Variants in TMEM144 observed in about 807,000 individuals in gnomAD.
TMEM144 encodes transmembrane protein 144.
A neutral mutation model predicts 43.6 loss-of-function variants in TMEM144; 39 were observed. The ratio of observed to expected loss-of-function variants is 0.90; its 90% CI spans 0.69 to 1.17. The LOEUF (loss-of-function observed/expected upper bound fraction) is 1.17. TMEM144 is among the 50% of genes most tolerant of loss of function. The pLI is 0.00. For synonymous variants in TMEM144, 154 were observed against 133.6 expected (o/e 1.15, Z -1.06); for missense variants, 417 against 411.9 (o/e 1.01, Z -0.11).
chr4:158,226,375 G>GCTATTAAAAT (rs1241481261), intron 6 of TMEM144, among the ~76,000 whole-genome samples: 1 of 152,056 alleles, frequency 6.6e-6, no homozygotes, highest in African/African-American at 2.4e-5. Context: ...GGTGATTTAG[G>GCTATTAAAAT]AAAAGCCTGC....
intron 8 of TMEM144, 136 bp from the exon 9 acceptor site, chr4:158,237,389 C>A: frequency 1.5e-6 from 1 of 658,654 alleles, no homozygotes; most frequent in Non-Finnish European, 2.6e-6. Context: ...TTCCGCCAGT[C>A]ACAGAGCTTG....
chr4:158,246,827 T>C (rs576443563), intron 12 of TMEM144, among the ~76,000 whole-genome samples: 2 of 152,122 alleles, frequency 1.3e-5, no homozygotes, highest in South Asian at 2.1e-4. Context: ...TATGAAGAAG[T>C]ACAAACCAAG....
rs1341377450 is a variant in TMEM144, at chr4:158,219,357, T to C, written c.380T>C (p.Leu127Pro). 1.9e-6 allele frequency: 3 copies of C among 1,613,840 alleles called. No homozygotes were observed. The highest frequency in any genetic ancestry group is 2.5e-6 in the Non-Finnish European group (3 of 1,179,848). ...GCAGAAGAAGTATCAAATCCGCTGC[T>C]AAATTACATTGGAGCTGGGCTATCA... ...LDAEEVSNPLLNYIGAGLSVV... is the reference protein window; with the variant it reads ...LDAEEVSNPLPNYIGAGLSVV... The change falls in exon 6 of 13, where the codon CTA (leucine) becomes CCA (proline). Residue 127 changes from leucine to proline, a missense_variant. By Grantham distance (98) the Leu-to-Pro change is moderately conservative. Transcript: ENST00000296529.
intron 5 of TMEM144, among the ~76,000 whole-genome samples, chr4:158,218,401 C>T (rs149614211): frequency 0.012 from 1,767 of 152,218 alleles, 19 homozygotes; most frequent in Middle Eastern, 0.041. Context: ...ACTCCCTTTC[C>T]ACTCAAAGCA....
At chr4:158,247,756 C>G (rs1004585091) in intron 12 of TMEM144, among the ~76,000 whole-genome samples, 4 of 151,910 alleles carry the variant, frequency 2.6e-5, no homozygotes, top group African/African-American at 9.7e-5. Context: ...AAGATCAGAA[C>G]AAATATAGGA....
intron 6 of TMEM144, among the ~76,000 whole-genome samples, chr4:158,229,512 TTGAC>T (rs1457847545): frequency 6.6e-6 from 1 of 152,016 alleles, no homozygotes; most frequent in African/African-American, 2.4e-5. Context: ...AGGCAGCACT[TTGAC>T]TGTCCCTTTT....
chr4:158,231,128 T>C (rs1364894294), intron 6 of TMEM144, among the ~76,000 whole-genome samples: 2 of 152,170 alleles, frequency 1.3e-5, no homozygotes, highest in African/African-American at 2.4e-5. Flanking sequence ...TCTTATGATC[T>C]AGACAAGGTA....
At position 158,214,878 on chromosome 4, in the gene TMEM144, A is replaced by T. The variant is rs74940456; in HGVS notation, c.110-313A>T. Among the ~76,000 whole-genome samples the T allele has an allele frequency of 1.9e-3, 293 of 152,296 alleles. 9 individuals carry two copies. In the East Asian group the frequency reaches 0.05, roughly 26 times the overall value. On this transcript the variant is annotated intron_variant, in intron 3 of 12. Transcript: ENST00000296529. ...TGGGCAGAAAATTCTTGATTTGTCT[A>T]ATAGGAGGAAAAAAAGAATGTTAAG...
intron 6 of TMEM144, 47 bp from the exon 7 acceptor site, chr4:158,232,854 T>C (rs780203582): frequency 4.0e-5 from 53 of 1,319,014 alleles, no homozygotes; most frequent in Middle Eastern, 2.3e-4. Context: ...CAGCTTGATA[T>C]AAACCAGTAT....
intron 10 of TMEM144, 122 bp downstream of exon 10, chr4:158,240,540 TTGTG>T: frequency 6.3e-5 from 62 of 985,202 alleles, no homozygotes; most frequent in South Asian, 9.2e-5. Context: ...TGTGTGTGTG[TTGTG>T]TGTGTGTGTG....
At chr4:158,218,287 A>C (rs185559036) in intron 5 of TMEM144, among the ~76,000 whole-genome samples, 326 of 152,308 alleles carry the variant, frequency 2.1e-3, no homozygotes, top group African/African-American at 7.3e-3. Context: ...CATTACACAA[A>C]GTTCTATCAG....
At chr4:158,238,061 T>C (rs1219606448) in intron 9 of TMEM144, among the ~76,000 whole-genome samples, 1 of 152,122 alleles carries the variant, frequency 6.6e-6, no homozygotes, top group African/African-American at 2.4e-5. Context: ...AAGTACAGAG[T>C]CATGCACTGG....
At chr4:158,217,737 C>T (rs1439613605) in intron 5 of TMEM144, among the ~76,000 whole-genome samples, 1 of 152,170 alleles carries the variant, frequency 6.6e-6, no homozygotes, top group African/African-American at 2.4e-5. Context: ...ATTCTCATCT[C>T]ACTTTCACAA....
In TMEM144 at chr4:158,227,155, C is replaced by T. The variant is rs558110654; in HGVS notation, c.414-5746C>T. 3.7e-4 allele frequency among the ~76,000 whole-genome samples: 56 copies of T among 151,370 alleles called. 1 individual carries two copies. Among genetic ancestry groups the T allele is most frequent in the African/African-American group, 1.3e-3 (52 of 41,204 alleles). ...TTTTTTTTTTTCCTAACGGAATAGC[C>T]TCATACCTTAATATTTTTGAGTTAG... On this transcript the variant is annotated intron_variant, in intron 6 of 12. Transcript: ENST00000296529.
intron 6 of TMEM144, among the ~76,000 whole-genome samples, chr4:158,231,078 T>C (rs1735055364): frequency 6.6e-6 from 1 of 152,224 alleles, no homozygotes; most frequent in Non-Finnish European, 1.5e-5. Context: ...ATAGTATTTC[T>C]TCTTCTTTGA....
chr4:158,240,936 T>C (rs1448250909), intron 10 of TMEM144, among the ~76,000 whole-genome samples: 2 of 152,198 alleles, frequency 1.3e-5, no homozygotes, highest in Non-Finnish European at 2.9e-5. Context: ...TTATTATGAT[T>C]CAATTTGGAA....
chr4:158,227,550 CTCTT>C (rs974110736), intron 6 of TMEM144, among the ~76,000 whole-genome samples: 107 of 152,168 alleles, frequency 7.0e-4, no homozygotes, highest in African/African-American at 2.5e-3. Flanking sequence ...CTCTCTTTCT[CTCTT>C]TCTTTATCTC....
intron 5 of TMEM144, among the ~76,000 whole-genome samples, chr4:158,217,724 AT>A (rs1221392607): frequency 6.6e-6 from 1 of 152,208 alleles, no homozygotes; most frequent in African/African-American, 2.4e-5. Flanking sequence ...TGTTCTATGC[AT>A]CATTCTCATC....
At chr4:158,215,968 A>G (rs968158370) in intron 4 of TMEM144, among the ~76,000 whole-genome samples, 1 of 127,698 alleles carries the variant, frequency 7.8e-6, no homozygotes, top group Non-Finnish European at 1.6e-5. Flanking sequence ...TAAAATGTTA[A>G]AACTTTATTA....
Sources: gnomAD v4.1 joint callset for allele counts (sites outside exome capture counted in the v4.1 genomes callset) on GRCh38, gnomAD v4.1.1 for gene constraint, MANE v1.5 for transcripts, NCBI Gene and HGNC (gene_info 2026-07-23, HGNC 2026-07-21) for gene names.